ARHGAP22: variants seen among roughly 807,000 people sequenced by gnomAD.
ARHGAP22 encodes Rho GTPase activating protein 22, also known as rho GTPase-activating protein 22.
Under a neutral mutation model 59.1 loss-of-function variants are expected in ARHGAP22, and 48 were observed. The ratio of observed to expected loss-of-function variants is 0.81; its 90% CI spans 0.64 to 1.03. The LOEUF is 1.03. ARHGAP22 is among the 50% of genes least tolerant of loss of function. ARHGAP22 has a pLI of 0.00. For missense variants in ARHGAP22, 1,015 were observed against 958.7 expected (o/e 1.06, Z -0.78); for synonymous variants, 445 against 416.4 (o/e 1.07, Z -0.84).
intron 4 of ARHGAP22, among the ~76,000 whole-genome samples, chr10:48,472,039 T>C (rs886560478): frequency 6.6e-6 from 1 of 150,654 alleles, no homozygotes; most frequent in African/African-American, 2.5e-5. Context: ...AAACCCTGTA[T>C]CTACTAAAAA....
At chr10:48,438,494 G>T in the ARHGAP22 span, 2 of 152,186 alleles carry the variant, frequency 1.3e-5, no homozygotes, top group Non-Finnish European at 2.9e-5. Flanking sequence ...TCTAGTAACA[G>T]TAACACTTTC....
intron 1 of ARHGAP22, among the ~76,000 whole-genome samples, chr10:48,600,575 A>C (rs1376750345): frequency 6.6e-6 from 1 of 151,522 alleles, no homozygotes; most frequent in African/African-American, 2.4e-5. Flanking sequence ...ATCAGGCTGC[A>C]GTGTGATTTG....
At chr10:48,628,309 C>G (rs1360945473) in intron 1 of ARHGAP22, among the ~76,000 whole-genome samples, 1 of 152,244 alleles carries the variant, frequency 6.6e-6, no homozygotes, top group Non-Finnish European at 1.5e-5. Context: ...AGGCACCTAC[C>G]ACACACCAGG....
intron 1 of ARHGAP22, among the ~76,000 whole-genome samples, chr10:48,615,590 C>A (rs895107789): frequency 6.6e-6 from 1 of 152,082 alleles, no homozygotes; most frequent in South Asian, 2.1e-4. Flanking sequence ...AGAAACAAAG[C>A]TACACAAAGT....
chr10:48,475,108 CCCACTATTATCAGGCATT>C (rs1214673972), intron 4 of ARHGAP22, among the ~76,000 whole-genome samples: 4 of 152,208 alleles, frequency 2.6e-5, no homozygotes, highest in Non-Finnish European at 5.9e-5. Flanking sequence ...CTTTCTCATT[CCCACTATTATCAGGCATT>C]CCACAAAAGC....
At chr10:48,555,594 G>A in intron 2 of ARHGAP22, 44 bp from the exon 3 acceptor site, 1 of 1,584,652 alleles carries the variant, frequency 6.3e-7, no homozygotes, top group South Asian at 1.1e-5. Flanking sequence ...TGAGATGATG[G>A]GGAGGGGACT....
chr10:48,516,928 T>G (rs1303447650), intron 3 of ARHGAP22, among the ~76,000 whole-genome samples: 1 of 152,214 alleles, frequency 6.6e-6, no homozygotes, highest in Non-Finnish European at 1.5e-5. Flanking sequence ...TACTCAGCCT[T>G]AAAAAGGAAT....
intron 2 of ARHGAP22, among the ~76,000 whole-genome samples, chr10:48,570,030 C>A (rs1183596238): frequency 6.6e-6 from 1 of 152,164 alleles, no homozygotes; most frequent in Non-Finnish European, 1.5e-5. Flanking sequence ...TTACTTAAAT[C>A]TTGTGTTTTT....
intron 3 of ARHGAP22, chr10:48,493,361 C>A: frequency 7.1e-7 from 1 of 1,415,666 alleles, no homozygotes; most frequent in Non-Finnish European, 9.6e-7. Context: ...CACCACTTCC[C>A]TTTCAAGGGT....
chr10:48,620,729 G>A (rs562713909), intron 1 of ARHGAP22, among the ~76,000 whole-genome samples: 5 of 152,292 alleles, frequency 3.3e-5, no homozygotes, highest in Admixed American at 2.6e-4. Context: ...TTCTCTCACA[G>A]AGGTAGTGAA....
At chr10:48,630,009 G>T (rs1404295882) in intron 1 of ARHGAP22, among the ~76,000 whole-genome samples, 1 of 152,094 alleles carries the variant, frequency 6.6e-6, no homozygotes, top group Non-Finnish European at 1.5e-5. Context: ...ATTGTTCATT[G>T]CTGGTGTATG....
chr10:48,540,158 C>T (rs949651160), intron 3 of ARHGAP22, among the ~76,000 whole-genome samples: 1 of 152,170 alleles, frequency 6.6e-6, no homozygotes, highest in Non-Finnish European at 1.5e-5. Context: ...ACATAATAAC[C>T]ATCATTTTCT....
intron 4 of ARHGAP22, among the ~76,000 whole-genome samples, chr10:48,469,106 C>T (rs1405004212): frequency 6.6e-6 from 1 of 152,234 alleles, no homozygotes; most frequent in African/African-American, 2.4e-5. Context: ...GTTTTCTCTG[C>T]TCTGAGCCAT....
intron 3 of ARHGAP22, among the ~76,000 whole-genome samples, chr10:48,482,374 C>G (rs552248066): frequency 2.6e-5 from 4 of 152,220 alleles, no homozygotes; most frequent in Non-Finnish European, 4.4e-5. Context: ...ACCAGTGAAC[C>G]TCCATGTGCA....
intron 1 of ARHGAP22, among the ~76,000 whole-genome samples, chr10:48,600,313 A>G (rs891314566): frequency 1.3e-5 from 2 of 152,202 alleles, no homozygotes; most frequent in African/African-American, 4.8e-5. Context: ...AATAGGTGAG[A>G]TCACTCTAGG....
Position 48,450,280 on chromosome 10 carries a change from A to T in ARHGAP22, c.1849T>A (p.Tyr617Asn). ...AGTTACCTTTTCACACTCCTCTCGT[A>T]CTCAGTCCGCTGGCGGCACAGCTCG... ...RAELCRQRTE[Y>N]ERSVKRIEEG... The change falls in exon 9 of 10, where the codon TAC becomes AAC. Residue 617 changes from tyrosine to asparagine, a missense_variant. Tyr to Asn is a moderately radical substitution (Grantham distance 143). Coordinates refer to ENST00000249601, the MANE Select transcript of ARHGAP22 (RefSeq NM_021226.4). 6.2e-7 allele frequency: 1 copy of T among 1,609,850 alleles called. No homozygotes were observed. The highest frequency in any genetic ancestry group is 1.7e-5 in the Admixed American group (1 of 59,752).
chr10:48,476,815 C>T (rs2134032214), intron 4 of ARHGAP22, among the ~76,000 whole-genome samples: 2 of 152,278 alleles, frequency 1.3e-5, no homozygotes, highest in East Asian at 3.9e-4. Flanking sequence ...GCCAGGCCTG[C>T]TGGGTGCAGG....
At chr10:48,600,488 A>G (rs2060317339) in intron 1 of ARHGAP22, among the ~76,000 whole-genome samples, 1 of 151,988 alleles carries the variant, frequency 6.6e-6, no homozygotes, top group Non-Finnish European at 1.5e-5. Flanking sequence ...TCTGTAAATT[A>G]TGCCTCAATA....
At position 48,450,693 on chromosome 10, in the gene ARHGAP22, C is replaced by T. The variant is rs1240250332; in HGVS notation, c.1436G>A (p.Arg479Gln). ...RGHRRASSGD[R>Q]LKDSGSVQRL... ...CTGCACGGAGCCCGAGTCCTTGAGC[C>T]GGTCTCCCGACGAGGCCCGGCGGTG... Residue 479 changes from arginine to glutamine, a missense_variant, in exon 9 of 10, where the codon CGG becomes CAG. Arg to Gln is a conservative substitution (Grantham distance 43). Transcript: ENST00000249601. 64 of 1,551,768 alleles carry T rather than the reference C, an allele frequency of 4.1e-5. No homozygotes were observed. The highest frequency in any genetic ancestry group is 5.5e-5 in the Non-Finnish European group (63 of 1,147,892).
Sources: allele counts gnomAD v4.1 joint callset (sites outside exome capture counted in the v4.1 genomes callset), GRCh38; gene constraint gnomAD v4.1.1; transcripts MANE v1.5; gene names NCBI Gene and HGNC (gene_info 2026-07-23, HGNC 2026-07-21).